Variants in NRXN3 observed in about 807,000 individuals in gnomAD.
NRXN3 encodes neurexin III.
A neutral mutation model predicts 137.6 loss-of-function variants in NRXN3; 32 were observed. The ratio of observed to expected loss-of-function variants is 0.23; its 90% CI spans 0.18 to 0.31. The LOEUF (loss-of-function observed/expected upper bound fraction) is 0.31. Among genes scored for constraint, NRXN3 ranks in the 10% least tolerant of loss-of-function variants. NRXN3 has a pLI of 1.00. For synonymous variants in NRXN3, 798 were observed against 784.5 expected (o/e 1.02, Z -0.29); for missense variants, 1,574 against 2,062.5 (o/e 0.76, Z 4.59).
intron 18 of NRXN3, among the ~76,000 whole-genome samples, chr14:79,692,677 A>G (rs1339491511): frequency 6.6e-6 from 1 of 152,052 alleles, no homozygotes; most frequent in Non-Finnish European, 1.5e-5. Context: ...TAGCATGCTT[A>G]ACAAAACAAA....
At chr14:79,218,069 T>A (rs535310202) in intron 15 of NRXN3, among the ~76,000 whole-genome samples, 2 of 152,356 alleles carry the variant, frequency 1.3e-5, no homozygotes, top group South Asian at 4.1e-4. Flanking sequence ...GTTTCCTTGA[T>A]AATATCATTG....
At chr14:79,715,639 T>G (rs773202537) in intron 19 of NRXN3, among the ~76,000 whole-genome samples, 1 of 152,098 alleles carries the variant, frequency 6.6e-6, no homozygotes, top group Non-Finnish European at 1.5e-5. Context: ...AGGATGCCTG[T>G]CTTCATGGTA....
At chr14:78,813,148 G>A (rs2098919759) in intron 10 of NRXN3, among the ~76,000 whole-genome samples, 1 of 152,094 alleles carries the variant, frequency 6.6e-6, no homozygotes. Context: ...AAAAACATAA[G>A]AATTCAAAGA....
At chr14:78,793,998 G>C (rs1293783741) in intron 8 of NRXN3, among the ~76,000 whole-genome samples, 2 of 152,130 alleles carry the variant, frequency 1.3e-5, no homozygotes, top group East Asian at 1.9e-4. Flanking sequence ...AAAAATCATA[G>C]ATGAAGGAGA....
chr14:79,622,666 G>A (rs546641049), intron 16 of NRXN3, among the ~76,000 whole-genome samples: 3 of 152,002 alleles, frequency 2.0e-5, no homozygotes, highest in Non-Finnish European at 2.9e-5. Context: ...GCGCAATCTC[G>A]GCTCACTGCA....
intron 10 of NRXN3, among the ~76,000 whole-genome samples, chr14:78,903,910 C>T (rs983847028): frequency 6.6e-6 from 1 of 151,862 alleles, no homozygotes; most frequent in Non-Finnish European, 1.5e-5. Flanking sequence ...AGGGAATGAC[C>T]ATTGAGAGAC....
chr14:79,794,140 G>A (rs1029169108), intron 19 of NRXN3, among the ~76,000 whole-genome samples: 1 of 152,114 alleles, frequency 6.6e-6, no homozygotes, highest in African/African-American at 2.4e-5. Context: ...TGAGGCAGGT[G>A]AATTACGAGG....
chr14:79,514,876 T>A (rs574536047), intron 16 of NRXN3, among the ~76,000 whole-genome samples: 1 of 151,202 alleles, frequency 6.6e-6, no homozygotes, highest in South Asian at 2.1e-4. Context: ...ATGATGCGTT[T>A]TCTCTCACCG....
intron 4 of NRXN3, among the ~76,000 whole-genome samples, chr14:78,553,372 C>G (rs7153644): frequency 0.24 from 35,776 of 151,972 alleles, 4,497 homozygotes; most frequent in Middle Eastern, 0.31. Flanking sequence ...CTGTGAAGCA[C>G]CTGAGCCCTT....
At chr14:79,690,009 ATATATT>A (rs1481546374) in intron 17 of NRXN3, among the ~76,000 whole-genome samples, 1 of 152,198 alleles carries the variant, frequency 6.6e-6, no homozygotes, top group Non-Finnish European at 1.5e-5. Flanking sequence ...AAGGTCATTA[ATATATT>A]TAATGTGTAG....
chr14:78,640,158 G>T lies in NRXN3; in HGVS notation c.758-4962G>T, dbSNP rs950193773. Among the ~76,000 whole-genome samples, 4 of 152,096 alleles carry T rather than the reference G, an allele frequency of 2.6e-5. 1 individual carries two copies. Among genetic ancestry groups the T allele is most frequent in the Admixed American group, 1.3e-4 (2 of 15,272 alleles). ...GCTGTGCCTCTGCCTCTCTTAGGTTGTTCTGCTAGGAACTTCTGCTTACAT... is the reference window on the plus strand; with the variant it reads ...GCTGTGCCTCTGCCTCTCTTAGGTTTTTCTGCTAGGAACTTCTGCTTACAT... On this transcript the variant is annotated intron_variant, in intron 4 of 20. Coordinates refer to ENST00000335750, the MANE Select transcript of NRXN3 (RefSeq NM_001330195.2).
At chr14:79,221,074 G>A (rs978440724) in intron 15 of NRXN3, among the ~76,000 whole-genome samples, 1 of 152,248 alleles carries the variant, frequency 6.6e-6, no homozygotes, top group African/African-American at 2.4e-5. Context: ...CCCTGCAAAG[G>A]ACATGAACTC....
intron 16 of NRXN3, among the ~76,000 whole-genome samples, chr14:79,600,165 G>T (rs2097907168): frequency 6.6e-6 from 1 of 152,194 alleles, no homozygotes; most frequent in Non-Finnish European, 1.5e-5. Context: ...CAGGCATCTG[G>T]CTCCAGGGTT....
At chr14:78,303,188 T>C (rs1399252074) in intron 4 of NRXN3, among the ~76,000 whole-genome samples, 1 of 152,212 alleles carries the variant, frequency 6.6e-6, no homozygotes, top group Non-Finnish European at 1.5e-5. Flanking sequence ...CTCTACCTTT[T>C]AATAGTCCCT....
At chr14:78,527,231 G>C (rs1349375590) in intron 4 of NRXN3, among the ~76,000 whole-genome samples, 1 of 152,188 alleles carries the variant, frequency 6.6e-6, no homozygotes, top group Non-Finnish European at 1.5e-5. Flanking sequence ...TTGGCTCATG[G>C]TACTGCAGGC....
chr14:79,704,692 T>C (rs1256885598), intron 19 of NRXN3, among the ~76,000 whole-genome samples: 2 of 152,310 alleles, frequency 1.3e-5, no homozygotes, highest in East Asian at 3.9e-4. Flanking sequence ...AGACTTTAGC[T>C]GCCAGCCAAG....
At chr14:79,023,869 G>T (rs2099593824) in intron 15 of NRXN3, among the ~76,000 whole-genome samples, 1 of 152,068 alleles carries the variant, frequency 6.6e-6, no homozygotes, top group African/African-American at 2.4e-5. Context: ...GATTTGGATG[G>T]GGATGCAGCC....
intron 16 of NRXN3, among the ~76,000 whole-genome samples, chr14:79,629,717 C>G (rs1163859690): frequency 6.6e-6 from 1 of 152,058 alleles, no homozygotes; most frequent in African/African-American, 2.4e-5. Flanking sequence ...AAGGTCTAAA[C>G]AGGGGAGAAG....
At chr14:79,336,532 T>A (rs2153348236) in intron 15 of NRXN3, among the ~76,000 whole-genome samples, 3 of 152,298 alleles carry the variant, frequency 2.0e-5, no homozygotes, top group Admixed American at 2.0e-4. Flanking sequence ...TAAGTGATCA[T>A]CAAATGTCCT....
Sources: allele counts gnomAD v4.1 joint callset (sites outside exome capture counted in the v4.1 genomes callset), GRCh38; gene constraint gnomAD v4.1.1; transcripts MANE v1.5; gene names NCBI Gene and HGNC (gene_info 2026-07-23, HGNC 2026-07-21).